CTDSPL2: variants seen among roughly 807,000 people sequenced by gnomAD.
CTDSPL2 encodes CTD small phosphatase like 2.
Under a neutral mutation model 60.0 loss-of-function variants are expected in CTDSPL2, and 5 were observed. That is an observed-to-expected ratio of 0.08 (90% CI 0.04 to 0.18). CTDSPL2 has a LOEUF of 0.18. CTDSPL2 is among the 10% of genes least tolerant of loss of function. The pLI, the probability that CTDSPL2 is intolerant of heterozygous loss-of-function variation, is 1.00. For missense variants in CTDSPL2, 370 were observed against 548.8 expected (o/e 0.67, Z 3.26); for synonymous variants, 186 against 189.3 (o/e 0.98, Z 0.14).
Position 44,444,892 on chromosome 15 carries a change from G to A in CTDSPL2, c.-24-14099G>A, listed in dbSNP as rs181351438. ...AGACGGAGTCTCCCTCTGTTGCCCA[G>A]GCTGGAGTGCAGTGGCGCGATCTCA... On this transcript the variant is annotated intron_variant, in intron 1 of 12. Transcript: ENST00000260327. Among the ~76,000 whole-genome samples, 9 of 128,580 alleles carry A rather than the reference G, an allele frequency of 7.0e-5. No individual in the cohort carries two copies. The East Asian group carries it at 2.2e-3, about 32-fold the overall frequency. The allele number at this position is 128,580 out of a possible 152,430, so 84.4% of individuals were successfully genotyped here.
At chr15:44,440,525 A>T (rs993975819) in intron 1 of CTDSPL2, among the ~76,000 whole-genome samples, 1 of 152,122 alleles carries the variant, frequency 6.6e-6, no homozygotes, top group Non-Finnish European at 1.5e-5. Flanking sequence ...AATTCTCCTT[A>T]AAAGTATATA....
intron 2 of CTDSPL2, among the ~76,000 whole-genome samples, chr15:44,478,254 C>A (rs2080957861): frequency 6.6e-6 from 1 of 151,754 alleles, no homozygotes; most frequent in African/African-American, 2.4e-5. Context: ...TTGAGACCAG[C>A]CTGGCCAATA....
At chr15:44,521,520 C>A in intron 12 of CTDSPL2, 114 bp downstream of exon 12, 1 of 545,154 alleles carries the variant, frequency 1.8e-6, no homozygotes, top group Non-Finnish European at 3.1e-6. Flanking sequence ...AACTGTGAGC[C>A]AGGTCACAGG....
At chr15:44,486,458 G>T in intron 3 of CTDSPL2, 93 bp from the exon 4 acceptor site, 1 of 872,082 alleles carries the variant, frequency 1.1e-6, no homozygotes. Flanking sequence ...TATTTTGAGG[G>T]AAAAAGAGTT....
chr15:44,456,752 CTCTGA>C, intron 1 of CTDSPL2, among the ~76,000 whole-genome samples: 1 of 148,108 alleles, frequency 6.8e-6, no homozygotes, highest in South Asian at 2.1e-4. Context: ...CTCAGTTCTG[CTCTGA>C]TCTTAGTTAC....
intron 8 of CTDSPL2, among the ~76,000 whole-genome samples, chr15:44,507,820 CAAT>C (rs1412532868): frequency 1.3e-5 from 2 of 152,196 alleles, no homozygotes; most frequent in Admixed American, 6.5e-5. Flanking sequence ...TACTTTTAAA[CAAT>C]GAGATAGATA....
At chr15:44,430,397 T>C (rs2079832944) in intron 1 of CTDSPL2, among the ~76,000 whole-genome samples, 1 of 151,850 alleles carries the variant, frequency 6.6e-6, no homozygotes, top group South Asian at 2.1e-4. Flanking sequence ...AGGCACATGC[T>C]ACCACACCTG....
chr15:44,487,461 G>A (rs2081140888), intron 4 of CTDSPL2, among the ~76,000 whole-genome samples: 1 of 151,940 alleles, frequency 6.6e-6, no homozygotes, highest in Admixed American at 6.6e-5. Context: ...CAAGTAGGGG[G>A]TCCACGTAAA....
rs1567069730 is a variant in CTDSPL2 at position 44,456,881 on chromosome 15, T to TTTG, written c.-24-2108_-24-2107insGTT. ...TTTTTTTTTTCTTTTTTTTTTTGTT[T>TTTG]TTTTTTCTTTTTTTTGAAACAGGCT... On this transcript the variant is annotated intron_variant, in intron 1 of 12. Coordinates refer to ENST00000260327, the MANE Select transcript of CTDSPL2 (RefSeq NM_016396.3). Among the ~76,000 whole-genome samples, 45 of 146,178 alleles carry TTTG rather than the reference T, an allele frequency of 3.1e-4. 1 individual carries two copies. The highest frequency in any genetic ancestry group is 1.1e-3 in the African/African-American group (43 of 38,222).
At chr15:44,522,085 A>G (rs572104750) in intron 12 of CTDSPL2, among the ~76,000 whole-genome samples, 113 of 152,128 alleles carry the variant, frequency 7.4e-4, no homozygotes, top group Non-Finnish European at 1.3e-3. Context: ...CCAGGCTGCA[A>G]TGTAGTAGCA....
intron 1 of CTDSPL2, among the ~76,000 whole-genome samples, chr15:44,441,433 C>G (rs981294773): frequency 1.3e-5 from 2 of 152,164 alleles, no homozygotes; most frequent in Non-Finnish European, 1.5e-5. Flanking sequence ...ATATTGTGAG[C>G]CTTTGGTGGA....
chr15:44,468,922 CATATGT>C (rs2080749778), intron 2 of CTDSPL2, among the ~76,000 whole-genome samples: 1 of 152,100 alleles, frequency 6.6e-6, no homozygotes, highest in Admixed American at 6.5e-5. Context: ...CCCGAGTATC[CATATGT>C]ATATGCTGTA....
intron 2 of CTDSPL2, among the ~76,000 whole-genome samples, chr15:44,465,205 G>A (rs2080661008): frequency 6.6e-6 from 1 of 152,164 alleles, no homozygotes; most frequent in African/African-American, 2.4e-5. Context: ...TTCAGGAATT[G>A]TTCGTGTGCA....
At chr15:44,427,988 G>T (rs905559252) in intron 1 of CTDSPL2, 4 of 295,602 alleles carry the variant, frequency 1.4e-5, no homozygotes, top group East Asian at 1.1e-4. Context: ...CTCACTTCCC[G>T]CCAGCTTCAC....
At position 44,444,836 on chromosome 15, in the gene CTDSPL2, G is replaced by GTT. The variant is rs35160726; in HGVS notation, c.-24-14126_-24-14125dup. Reference sequence around the variant, plus strand: ...GCCTGGTGTTGAGATATGGAATGTAGTTTTTTTTTTTTTTTTTTTTTTTTT... The same window carrying GTT: ...GCCTGGTGTTGAGATATGGAATGTAGTTTTTTTTTTTTTTTTTTTTTTTTTTT... On this transcript the variant is annotated intron_variant, in intron 1 of 12. Transcript: ENST00000260327. Among the ~76,000 whole-genome samples the GTT allele has an allele frequency of 5.7e-3, 397 of 69,608 alleles. 103 individuals are homozygous for GTT. Among genetic ancestry groups the GTT allele is most frequent in the African/African-American group, 0.014 (231 of 16,482 alleles). 45.7% of individuals were successfully genotyped at this position (69,608 alleles called of 152,430 possible).
intron 2 of CTDSPL2, among the ~76,000 whole-genome samples, chr15:44,468,674 C>G (rs1167752397): frequency 1.3e-5 from 2 of 152,308 alleles, no homozygotes; most frequent in East Asian, 3.9e-4. Context: ...TCAACTGCCA[C>G]TGTAGACGGC....
chr15:44,454,773 C>T (rs8037181), intron 1 of CTDSPL2, among the ~76,000 whole-genome samples: 68,608 of 151,260 alleles, frequency 0.45, 15,603 homozygotes, highest in South Asian at 0.54. Context: ...TCTGTTCAGT[C>T]CCATTGGTCT....
intron 8 of CTDSPL2, among the ~76,000 whole-genome samples, chr15:44,506,799 C>T (rs1285142738): frequency 6.6e-6 from 1 of 151,800 alleles, no homozygotes; most frequent in East Asian, 1.9e-4. Context: ...CAGAGTCTCG[C>T]TCTGTCGCCC....
intron 1 of CTDSPL2, among the ~76,000 whole-genome samples, chr15:44,454,276 T>A (rs1183895917): frequency 6.6e-6 from 1 of 152,234 alleles, no homozygotes; most frequent in Non-Finnish European, 1.5e-5. Context: ...TTGATGGAGT[T>A]GTTTTTTTCT....
Sources: gnomAD v4.1 joint callset for allele counts (sites outside exome capture counted in the v4.1 genomes callset) on GRCh38, gnomAD v4.1.1 for gene constraint, MANE v1.5 for transcripts, NCBI Gene and HGNC (gene_info 2026-07-23, HGNC 2026-07-21) for gene names.